KCNA2: variants seen among roughly 807,000 people sequenced by gnomAD.
The protein encoded by KCNA2 is potassium channel, voltage gated shaker related subfamily A, member 2.
A neutral mutation model predicts 33.4 loss-of-function variants in KCNA2; 11 were observed. The observed-to-expected ratio is 0.33, with a 90% CI of 0.21 to 0.55. The LOEUF is 0.55. KCNA2 is among the 20% of genes least tolerant of loss of function. KCNA2 has a pLI of 0.93. For synonymous variants in KCNA2, 222 were observed against 231.3 expected, an observed-to-expected ratio of 0.96 and a Z score of 0.37; for missense variants, 291 against 621.6, an observed-to-expected ratio of 0.47 and a Z score of 5.66.
rs1649352506 is a variant in KCNA2, at chr1:110,601,731, C to A, written c.*1552G>T. 2 of 1,171,890 alleles carry A rather than the reference C, an allele frequency of 1.7e-6. No individual in the cohort carries two copies. Among genetic ancestry groups the A allele is most frequent in the South Asian group, 4.3e-5 (1 of 23,368 alleles). The allele number at this position is 1,171,890 out of a possible 1,614,324, so 72.6% of individuals were successfully genotyped here. A position where few individuals can be genotyped will look rare whatever the true frequency, so the allele number is the denominator to read the frequency against. ...CCCATTAGGCCTCTTAGACAGCCAA[C>A]CCACCAAGCAGTGGATTTGCTCCTG... On this transcript the variant is annotated 3_prime_UTR_variant, in exon 3 of 3. Transcript: ENST00000316361.
At chr1:110,626,877 C>G (rs1294909139) in intron 1 of KCNA2, among the ~76,000 whole-genome samples, 1 of 152,202 alleles carries the variant, frequency 6.6e-6, no homozygotes, top group Non-Finnish European at 1.5e-5. Flanking sequence ...CCACCCCTAC[C>G]AGTTAATAAC....
chr1:110,602,627 T>G lies in KCNA2; in HGVS notation c.*656A>C. On this transcript the variant is annotated 3_prime_UTR_variant, in exon 3 of 3. Coordinates refer to ENST00000316361, the MANE Select transcript of KCNA2 (RefSeq NM_004974.4). The stretch of plus-strand genomic sequence containing the variant: ...CAAATGTGAAACTTGACAACTCATA[T>G]TCGGTCATACTAACTGTCCCTCCCC... 5.0e-6 allele frequency: 5 copies of G among 998,148 alleles called. No homozygotes were observed. Among genetic ancestry groups the G allele is most frequent in the Non-Finnish European group, 6.0e-6 (5 of 838,156 alleles). The allele number at this position is 998,148 out of a possible 1,614,324, so 61.8% of individuals were successfully genotyped here.
In KCNA2 at chr1:110,601,579, G is replaced by A; in HGVS notation, c.*1704C>T. 1 of 989,474 alleles carries A rather than the reference G, an allele frequency of 1.0e-6. No homozygotes were observed. Among genetic ancestry groups the A allele is most frequent in the Non-Finnish European group, 1.2e-6 (1 of 832,630 alleles). 61.3% of individuals were successfully genotyped at this position (989,474 alleles called of 1,614,324 possible). A position where few individuals can be genotyped will look rare whatever the true frequency, so the allele number is the denominator to read the frequency against. On this transcript the variant is annotated 3_prime_UTR_variant, in exon 3 of 3. Coordinates refer to ENST00000316361, the MANE Select transcript of KCNA2 (RefSeq NM_004974.4). ...TCAGTAAGACAAGCTTCAGCCATGGGAACTGAAGCTGCAGCACATGGAGGG... is the reference window on the plus strand; with the variant it reads ...TCAGTAAGACAAGCTTCAGCCATGGAAACTGAAGCTGCAGCACATGGAGGG...
rs1649118252 is a variant in KCNA2, at chr1:110,596,854, A to G, written c.*6429T>C. 1.0e-6 allele frequency: 1 copy of G among 985,340 alleles called. No individual in the cohort carries two copies. The allele number at this position is 985,340 out of a possible 1,614,324, so 61.0% of individuals were successfully genotyped here. A position where few individuals can be genotyped will look rare whatever the true frequency, so the allele number is the denominator to read the frequency against. ...TATGTGTATAGAGCAAGGTAGATCA[A>G]AAAAGGATGGAATGGGACCCTGGGG... On this transcript the variant is annotated 3_prime_UTR_variant, in exon 3 of 3. Coordinates refer to ENST00000316361, the MANE Select transcript of KCNA2 (RefSeq NM_004974.4).
chr1:110,628,612 G>A (rs1650464140), intron 1 of KCNA2, among the ~76,000 whole-genome samples: 1 of 152,200 alleles, frequency 6.6e-6, no homozygotes, highest in African/African-American at 2.4e-5. Flanking sequence ...CCGGCATCTG[G>A]TGCCTGACTT....
At position 110,601,830 on chromosome 1, in the gene KCNA2, A is replaced by G. The variant is rs958808015; in HGVS notation, c.*1453T>C. ...TGTGTGTGTGTGTGTGTGTGTGTGTATACATATACACACATATGTATGTAT... is the reference window on the plus strand; with the variant it reads ...TGTGTGTGTGTGTGTGTGTGTGTGTGTACATATACACACATATGTATGTAT... On this transcript the variant is annotated 3_prime_UTR_variant, in exon 3 of 3. Coordinates refer to ENST00000316361, the MANE Select transcript of KCNA2 (RefSeq NM_004974.4). 137 of 1,225,334 alleles carry G rather than the reference A, an allele frequency of 1.1e-4. No individual in the cohort carries two copies. The highest frequency in any genetic ancestry group is 2.0e-4 in the South Asian group (9 of 45,030). The allele number at this position is 1,225,334 out of a possible 1,614,324, so 75.9% of individuals were successfully genotyped here.
In KCNA2 at chr1:110,600,547, G is replaced by T. The variant is rs577114988; in HGVS notation, c.*2736C>A. 4 of 985,034 alleles carry T rather than the reference G, an allele frequency of 4.1e-6. No individual in the cohort carries two copies. Among genetic ancestry groups the T allele is most frequent in the Non-Finnish European group, 4.8e-6 (4 of 829,888 alleles). The allele number at this position is 985,034 out of a possible 1,614,324, so 61.0% of individuals were successfully genotyped here. A position where few individuals can be genotyped will look rare whatever the true frequency, so the allele number is the denominator to read the frequency against. On this transcript the variant is annotated 3_prime_UTR_variant, in exon 3 of 3. Coordinates refer to ENST00000316361, the MANE Select transcript of KCNA2 (RefSeq NM_004974.4). The stretch of plus-strand genomic sequence containing the variant: ...AACCTGGTCTGTCTGTATTTTGCAC[G>T]TTACATGTTTTATGTTTGTGTGTGA...
rs1484008539 is a variant in KCNA2, at chr1:110,595,061, T to TA, written c.*8221dup. ...ATCATTTTCAAGGAGAAGCAGGGCTTAGAGGCCTCTCACAGAGACTCAGAA... is the reference window on the plus strand; with the variant it reads ...ATCATTTTCAAGGAGAAGCAGGGCTTAAGAGGCCTCTCACAGAGACTCAGAA... On this transcript the variant is annotated 3_prime_UTR_variant, in exon 3 of 3. Transcript: ENST00000316361. The TA allele has an allele frequency of 1.0e-6, 1 of 985,224 alleles. No individual in the cohort carries two copies. Among genetic ancestry groups the TA allele is most frequent in the Non-Finnish European group, 1.2e-6 (1 of 829,918 alleles). 61.0% of individuals were successfully genotyped at this position (985,224 alleles called of 1,614,324 possible).
chr1:110,627,840 A>T (rs115936547), intron 1 of KCNA2, among the ~76,000 whole-genome samples: 2,640 of 152,152 alleles, frequency 0.017, 68 homozygotes, highest in African/African-American at 0.051. Context: ...AAAAAAAAAA[A>T]AATAATAATA....
In KCNA2 at chr1:110,600,677, T is replaced by C. The variant is rs1164852887; in HGVS notation, c.*2606A>G. The C allele has an allele frequency of 2.0e-6, 2 of 985,320 alleles. No individual in the cohort carries two copies. Among genetic ancestry groups the C allele is most frequent in the South Asian group, 4.7e-5 (1 of 21,292 alleles). The allele number at this position is 985,320 out of a possible 1,614,324, so 61.0% of individuals were successfully genotyped here. A position where few individuals can be genotyped will look rare whatever the true frequency, so the allele number is the denominator to read the frequency against. Reference sequence around the variant, plus strand: ...AAGATATCTATCCCTGACCTAGGCCTCAGATATGGGTTGCTTTACCTTCTA... The same window carrying C: ...AAGATATCTATCCCTGACCTAGGCCCCAGATATGGGTTGCTTTACCTTCTA... On this transcript the variant is annotated 3_prime_UTR_variant, in exon 3 of 3. Transcript: ENST00000316361.
chr1:110,617,029 C>T (rs966861006), intron 1 of KCNA2, among the ~76,000 whole-genome samples: 3 of 152,084 alleles, frequency 2.0e-5, no homozygotes, highest in African/African-American at 7.2e-5. Flanking sequence ...GTCCAAAGAC[C>T]CCGAAAGAGG....
rs184474399 is a variant in KCNA2, at chr1:110,615,019, A to G, written c.-495-9297T>C. ...CAAACCTGATGCTCAGTGCATCTTA[A>G]TGATGTTCTCTGAGTCCAAGAAGGG... is the stretch of plus-strand genomic sequence containing the variant. On this transcript the variant is annotated intron_variant, in intron 1 of 4. Transcript: ENST00000369770. Among the ~76,000 whole-genome samples the G allele has an allele frequency of 2.0e-5, 3 of 152,358 alleles. No individual in the cohort carries two copies. The East Asian group carries it at 5.8e-4, about 29-fold the overall frequency.
chr1:110,618,003 G>A (rs1291798193), intron 1 of KCNA2, among the ~76,000 whole-genome samples: 1 of 152,080 alleles, frequency 6.6e-6, no homozygotes, highest in South Asian at 2.1e-4. Flanking sequence ...TGAAGCCAAG[G>A]GTGAGAATGA....
chr1:110,619,307 G>C lies in KCNA2; in HGVS notation c.-496+12088C>G, dbSNP rs141778399. Among the ~76,000 whole-genome samples the C allele has an allele frequency of 6.2e-3, 942 of 152,250 alleles. 6 individuals are homozygous for C. Among genetic ancestry groups the C allele is most frequent in the South Asian group, 0.011 (53 of 4,820 alleles). The stretch of plus-strand genomic sequence containing the variant: ...CCTAGGAGATGCCTGGCACACACTA[G>C]GAAAACGAATGAATGCATGTATGAT... On this transcript the variant is annotated intron_variant, in intron 1 of 4. Coordinates refer to the KCNA2 transcript ENST00000369770.
Position 110,606,354 on chromosome 1 carries a change from A to C in KCNA2, c.-622T>G, listed in dbSNP as rs1157795379. On this transcript the variant is annotated 5_prime_UTR_variant, in exon 1 of 3. Transcript: ENST00000316361. ...CTCACATCTCCTCGGCAGGGAGCAC[A>C]GAATAAACGCTCCGCCTGCCTAGCT... 1 of 152,230 alleles carries C rather than the reference A, an allele frequency of 6.6e-6. No individual in the cohort carries two copies. The highest frequency in any genetic ancestry group is 1.5e-5 in the Non-Finnish European group (1 of 68,050). The allele number at this position is 152,230 out of a possible 1,614,324, so 9.4% of individuals were successfully genotyped here. A position where few individuals can be genotyped will look rare whatever the true frequency, so the allele number is the denominator to read the frequency against.
intron 1 of KCNA2, among the ~76,000 whole-genome samples, chr1:110,620,758 G>T (rs1261043664): frequency 2.0e-5 from 3 of 152,188 alleles, no homozygotes; most frequent in East Asian, 1.9e-4. Flanking sequence ...ATCACTGAAA[G>T]TTCCTTTTAA....
Position 110,601,407 on chromosome 1 carries a change from A to T in KCNA2, c.*1876T>A. The T allele has an allele frequency of 8.1e-6, 8 of 985,480 alleles. No individual in the cohort carries two copies. In the South Asian group the frequency reaches 3.8e-4, roughly 46 times the overall value. 61.0% of individuals were successfully genotyped at this position (985,480 alleles called of 1,614,324 possible). On this transcript the variant is annotated 3_prime_UTR_variant, in exon 3 of 3. Coordinates refer to ENST00000316361, the MANE Select transcript of KCNA2 (RefSeq NM_004974.4). ...AGCGAAAGGTTTGTGAAAGTGACGGATGCAGAGCCAAATGATAATAAGATC... is the reference window on the plus strand; with the variant it reads ...AGCGAAAGGTTTGTGAAAGTGACGGTTGCAGAGCCAAATGATAATAAGATC...
upstream of KCNA2, among the ~76,000 whole-genome samples, chr1:110,609,928 C>T (rs907162470): frequency 2.0e-5 from 3 of 152,124 alleles, no homozygotes; most frequent in Admixed American, 6.5e-5. Context: ...CCTAGTTGGT[C>T]GAATGGGAGA....
chr1:110,609,579 C>G (rs1649801962), upstream of KCNA2, among the ~76,000 whole-genome samples: 1 of 152,174 alleles, frequency 6.6e-6, no homozygotes, highest in African/African-American at 2.4e-5. Context: ...GAATGAGCAG[C>G]TCTTGAATTT....
Sources: allele counts gnomAD v4.1 joint callset (sites outside exome capture counted in the v4.1 genomes callset), GRCh38; gene constraint gnomAD v4.1.1; transcripts MANE v1.5; gene names NCBI Gene and HGNC (gene_info 2026-07-23, HGNC 2026-07-21).